The following NEK11 variants were observed in gnomAD, a reference collection of about 807,000 sequenced individuals.
The protein encoded by NEK11 is serine/threonine-protein kinase Nek11.
NEK11 carries 72 observed loss-of-function variants against 80.7 expected under a neutral mutation model. The ratio of observed to expected loss-of-function variants is 0.89; its 90% CI spans 0.74 to 1.08. The LOEUF (loss-of-function observed/expected upper bound fraction) is 1.08. Ranked by LOEUF, NEK11 falls within the 50% of genes least tolerant of loss-of-function variation. The pLI, the probability that NEK11 is intolerant of heterozygous loss-of-function variation, is 0.00. For missense variants in NEK11, 764 were observed against 763.6 expected (o/e 1.00, Z -0.01); for synonymous variants, 251 against 260.7 (o/e 0.96, Z 0.36).
chr3:131,314,827 T>A (rs2096820434), intron 17 of NEK11, among the ~76,000 whole-genome samples: 1 of 152,254 alleles, frequency 6.6e-6, no homozygotes, highest in Non-Finnish European at 1.5e-5. Flanking sequence ...CTCATGTTTT[T>A]AAAATATATT....
At chr3:131,303,262 G>T (rs1479747294) in intron 17 of NEK11, among the ~76,000 whole-genome samples, 1 of 152,098 alleles carries the variant, frequency 6.6e-6, no homozygotes, top group East Asian at 1.9e-4. Context: ...GCATATAGTT[G>T]GGCCTTGCTT....
rs540573416 is a variant in NEK11 at position 131,088,313 on chromosome 3, ACTTT to A, written c.336+7733_336+7736del. On this transcript the variant is annotated intron_variant, in intron 4 of 17. Coordinates refer to ENST00000383366, the MANE Select transcript of NEK11 (RefSeq NM_024800.5). ...TAAAGTCATTTGGTTTGTTCCATTTACTTTCTTTCTTAAACTATGAAATATTTTG... is the reference window on the plus strand; with the variant it reads ...TAAAGTCATTTGGTTTGTTCCATTTACTTTCTTAAACTATGAAATATTTTG... Among the ~76,000 whole-genome samples the A allele has an allele frequency of 2.1e-3, 321 of 152,324 alleles. 4 individuals carry two copies. Among genetic ancestry groups the A allele is most frequent in the African/African-American group, 7.2e-3 (300 of 41,564 alleles).
At chr3:131,330,642 G>T (rs1318056735) in intron 17 of NEK11, 5 of 152,136 alleles carry the variant, frequency 3.3e-5, no homozygotes, top group Non-Finnish European at 5.9e-5. Flanking sequence ...TGTCATCATT[G>T]TTACTGATTT....
rs568257063 is a variant in NEK11, at chr3:131,291,358, T to G, written c.1718+17784T>G. ...AAGGACATCTTGGTTGCTTCCAAGTTTTGACAACTATAAATAAAGCTGCTA... is the reference window on the plus strand; with the variant it reads ...AAGGACATCTTGGTTGCTTCCAAGTGTTGACAACTATAAATAAAGCTGCTA... On this transcript the variant is annotated intron_variant, in intron 17 of 17. Transcript: ENST00000383366. 5.9e-5 allele frequency among the ~76,000 whole-genome samples: 9 copies of G among 152,296 alleles called. No homozygotes were observed. The South Asian group carries it at 1.9e-3, about 32-fold the overall frequency.
At chr3:131,110,615 A>C (rs866586794) in intron 5 of NEK11, among the ~76,000 whole-genome samples, 3 of 152,150 alleles carry the variant, frequency 2.0e-5, no homozygotes, top group South Asian at 4.1e-4. Context: ...GAAAAGATGA[A>C]CATACATAGA....
chr3:131,189,283 G>A (rs954463524), intron 14 of NEK11, among the ~76,000 whole-genome samples: 2 of 152,166 alleles, frequency 1.3e-5, no homozygotes, highest in Non-Finnish European at 2.9e-5. Context: ...AGCAGGCCTA[G>A]GAAACTAAAA....
At chr3:131,227,646 T>C (rs1239598368) in intron 14 of NEK11, among the ~76,000 whole-genome samples, 1 of 152,204 alleles carries the variant, frequency 6.6e-6, no homozygotes, top group Admixed American at 6.6e-5. Flanking sequence ...AGTCTGAGTA[T>C]GGTGCAAAGT....
At chr3:131,306,960 C>G (rs771963423) in intron 17 of NEK11, among the ~76,000 whole-genome samples, 15 of 152,176 alleles carry the variant, frequency 9.9e-5, no homozygotes, top group Admixed American at 3.9e-4. Context: ...TAAGCCATGA[C>G]TCCATGGATT....
intron 3 of NEK11, among the ~76,000 whole-genome samples, chr3:131,075,862 C>T (rs746899039): frequency 2.0e-5 from 3 of 152,172 alleles, no homozygotes; most frequent in South Asian, 2.1e-4. Flanking sequence ...GGATTTGTTA[C>T]AGAACACAGA....
chr3:131,229,537 G>A (rs574712576), intron 15 of NEK11, among the ~76,000 whole-genome samples: 1 of 151,984 alleles, frequency 6.6e-6, no homozygotes, highest in South Asian at 2.1e-4. Flanking sequence ...TAGAGGAGAT[G>A]ATTTTTGGAG....
chr3:131,342,577 A>G (rs2097302863), intron 17 of NEK11, among the ~76,000 whole-genome samples: 1 of 150,904 alleles, frequency 6.6e-6, no homozygotes, highest in Admixed American at 6.6e-5. Flanking sequence ...ATTCATCCAG[A>G]GAAGTTAAAA....
chr3:131,133,691 A>T (rs981807774), intron 6 of NEK11, 139 bp from the exon 7 acceptor site: 28 of 579,462 alleles, frequency 4.8e-5, no homozygotes, highest in African/African-American at 4.5e-4. Flanking sequence ...TTTAAGATAT[A>T]TTACTTTTCT....
chr3:131,030,234 CAA>C (rs11293793), intron 3 of NEK11, among the ~76,000 whole-genome samples: 77 of 137,352 alleles, frequency 5.6e-4, no homozygotes, highest in Admixed American at 1.0e-3. Flanking sequence ...GCAAGACTGA[CAA>C]AAAAAAAAAA....
intron 17 of NEK11, among the ~76,000 whole-genome samples, chr3:131,312,380 G>A (rs573489804): frequency 6.6e-6 from 1 of 152,174 alleles, no homozygotes; most frequent in Non-Finnish European, 1.5e-5. Context: ...GGCAATGGGG[G>A]AGTGAGGGTG....
intron 4 of NEK11, among the ~76,000 whole-genome samples, chr3:131,106,994 A>AT (rs973308346): frequency 6.6e-5 from 10 of 152,156 alleles, no homozygotes; most frequent in Admixed American, 5.2e-4. Flanking sequence ...AAGACTTAAG[A>AT]TTTTTTCCAT....
chr3:131,296,518 G>C (rs1581554257), intron 17 of NEK11, among the ~76,000 whole-genome samples: 2 of 152,134 alleles, frequency 1.3e-5, no homozygotes, highest in South Asian at 4.2e-4. Flanking sequence ...CTCAATTTTT[G>C]TTTGTCTGAG....
At chr3:131,319,008 T>C (rs1436051439) in intron 17 of NEK11, among the ~76,000 whole-genome samples, 3 of 151,824 alleles carry the variant, frequency 2.0e-5, no homozygotes, top group Non-Finnish European at 2.9e-5. Flanking sequence ...TACTCTTGGG[T>C]TTTTGGGTTG....
At chr3:131,085,988 G>A (rs1211383403) in intron 4 of NEK11, among the ~76,000 whole-genome samples, 5 of 151,970 alleles carry the variant, frequency 3.3e-5, no homozygotes, top group African/African-American at 1.2e-4. Context: ...ATGTCTCTCA[G>A]TTTGGGTTTG....
At chr3:131,044,736 A>G (rs985030956) in intron 3 of NEK11, among the ~76,000 whole-genome samples, 1 of 152,184 alleles carries the variant, frequency 6.6e-6, no homozygotes, top group Non-Finnish European at 1.5e-5. Flanking sequence ...TAACAGGGAT[A>G]TTCAGGACTT....
Sources: allele counts gnomAD v4.1 joint callset (sites outside exome capture counted in the v4.1 genomes callset), GRCh38; gene constraint gnomAD v4.1.1; transcripts MANE v1.5; gene names NCBI Gene and HGNC (gene_info 2026-07-23, HGNC 2026-07-21).